Variants in BCAS3 observed in about 807,000 individuals in gnomAD.
BCAS3 encodes BCAS4/BCAS3 fusion.
Under a neutral mutation model 116.1 loss-of-function variants are expected in BCAS3, and 53 were observed. The ratio of observed to expected loss-of-function variants is 0.46; its 90% CI spans 0.37 to 0.57. BCAS3 has a LOEUF of 0.57. Among genes scored for constraint, BCAS3 ranks in the 20% least tolerant of loss-of-function variants. BCAS3 has a pLI of 0.00. For synonymous variants in BCAS3, 391 were observed against 408.2 expected, an observed-to-expected ratio of 0.96 and a Z score of 0.51; for missense variants, 917 against 1,165.4, an observed-to-expected ratio of 0.79 and a Z score of 3.10.
chr17:60,730,387 G>A (rs1598348052), intron 5 of BCAS3, among the ~76,000 whole-genome samples: 2 of 152,132 alleles, frequency 1.3e-5, no homozygotes, highest in East Asian at 1.9e-4. Flanking sequence ...TACAGACCGG[G>A]TTGCTGTTTT....
At chr17:60,758,420 A>T (rs1245328659) in intron 6 of BCAS3, among the ~76,000 whole-genome samples, 4 of 150,768 alleles carry the variant, frequency 2.7e-5, no homozygotes, top group Admixed American at 6.6e-5. Context: ...TTTTTCTTTT[A>T]TTCTGCTAAT....
intron 12 of BCAS3, among the ~76,000 whole-genome samples, chr17:60,916,168 A>C (rs2058770407): frequency 6.6e-6 from 1 of 152,208 alleles, no homozygotes; most frequent in Non-Finnish European, 1.5e-5. Flanking sequence ...GTAAATGCCC[A>C]AGAGTATTGC....
chr17:61,092,678 A>G (rs2073672648), intron 22 of BCAS3, among the ~76,000 whole-genome samples: 1 of 152,076 alleles, frequency 6.6e-6, no homozygotes, highest in African/African-American at 2.4e-5. Context: ...GTCCTAGTTA[A>G]CTCACTGATT....
Position 61,344,470 on chromosome 17 carries a change from T to C in BCAS3, c.2426-23857T>C, listed in dbSNP as rs1459544378. Among the ~76,000 whole-genome samples, 1 of 152,106 alleles carries C rather than the reference T, an allele frequency of 6.6e-6. No individual in the cohort carries two copies. The highest frequency in any genetic ancestry group is 1.9e-4 in the East Asian group (1 of 5,182). On this transcript the variant is annotated intron_variant, in intron 22 of 23. Transcript: ENST00000407086. This position sits in a 1 kb window ranked among gnomAD's most constrained non-coding sequence, Gnocchi z 4.1. ...ATTCTCTGAGACCACTATAGAGACT[T>C]TAAAGAAGGTGGGTCCTAAGTTTTG... is the stretch of plus-strand genomic sequence containing the variant.
At chr17:61,046,412 T>C (rs2068356965) in intron 19 of BCAS3, among the ~76,000 whole-genome samples, 1 of 151,594 alleles carries the variant, frequency 6.6e-6, no homozygotes. Flanking sequence ...CTTGGTGTCA[T>C]GGGAAATTGG....
At chr17:60,710,582 C>T (rs2037758795) in intron 5 of BCAS3, among the ~76,000 whole-genome samples, 1 of 151,922 alleles carries the variant, frequency 6.6e-6, no homozygotes, top group South Asian at 2.1e-4. Context: ...TAGGCGCCCG[C>T]CACCACGCCT....
At chr17:61,002,374 T>C (rs1487927948) in intron 15 of BCAS3, among the ~76,000 whole-genome samples, 1 of 152,126 alleles carries the variant, frequency 6.6e-6, no homozygotes, top group African/African-American at 2.4e-5. Flanking sequence ...TTTTTTCTTT[T>C]CTATGTATTT....
At chr17:61,159,626 A>G (rs923271431) in intron 22 of BCAS3, among the ~76,000 whole-genome samples, 12 of 152,236 alleles carry the variant, frequency 7.9e-5, no homozygotes, top group Non-Finnish European at 1.2e-4. Context: ...GAATGACTCA[A>G]CAGTAGTGAA....
intron 10 of BCAS3, among the ~76,000 whole-genome samples, chr17:60,895,025 C>G (rs1030563507): frequency 2.6e-5 from 4 of 151,932 alleles, no homozygotes; most frequent in Non-Finnish European, 5.9e-5. Context: ...CTATAGTTTT[C>G]TTTTTTGTGG....
At chr17:61,273,902 C>T (rs2050528596) in intron 22 of BCAS3, among the ~76,000 whole-genome samples, 1 of 148,484 alleles carries the variant, frequency 6.7e-6, no homozygotes, top group African/African-American at 2.5e-5. Flanking sequence ...CTCCCGTTTC[C>T]TATCTTCATT....
intron 6 of BCAS3, among the ~76,000 whole-genome samples, chr17:60,804,594 A>C (rs574772067): frequency 6.6e-6 from 1 of 152,192 alleles, no homozygotes; most frequent in South Asian, 2.1e-4. Context: ...ATGTTTTTAT[A>C]GTGTAATTCG....
chr17:61,043,229 G>T (rs1036591927), intron 19 of BCAS3, among the ~76,000 whole-genome samples: 1 of 151,910 alleles, frequency 6.6e-6, no homozygotes, highest in African/African-American at 2.4e-5. Context: ...TCACCCAGGT[G>T]TGGTGGCGTG....
In BCAS3 at chr17:61,366,085, G is replaced by T. The variant is rs758618991; in HGVS notation, c.2426-2242G>T. On this transcript the variant is annotated intron_variant, in intron 22 of 23. Coordinates refer to ENST00000407086, the MANE Select transcript of BCAS3 (RefSeq NM_017679.5). This position sits in a 1 kb window ranked among gnomAD's most constrained non-coding sequence, Gnocchi z 4.5. ...CTGGACCCAGGAGGCAGAGGTTGCC[G>T]TGAGCCAAGATCATACCACTGCACT... is the stretch of plus-strand genomic sequence containing the variant. Among the ~76,000 whole-genome samples the T allele has an allele frequency of 6.6e-6, 1 of 151,654 alleles. No individual in the cohort carries two copies. Among genetic ancestry groups the T allele is most frequent in the East Asian group, 1.9e-4 (1 of 5,156 alleles).
At chr17:61,170,013 C>A (rs2078744304) in intron 22 of BCAS3, among the ~76,000 whole-genome samples, 2 of 151,858 alleles carry the variant, frequency 1.3e-5, no homozygotes, top group African/African-American at 2.4e-5. Flanking sequence ...TGCCACCTCG[C>A]CTGGCTGATT....
At chr17:60,839,708 T>C (rs74993001) in intron 7 of BCAS3, among the ~76,000 whole-genome samples, 2,051 of 152,280 alleles carry the variant, frequency 0.013, 52 homozygotes, top group African/African-American at 0.047. Context: ...TCAAAAATTT[T>C]CCTCTTAAAT....
intron 22 of BCAS3, among the ~76,000 whole-genome samples, chr17:61,335,460 T>G (rs941146443): frequency 6.6e-6 from 1 of 152,240 alleles, no homozygotes; most frequent in Non-Finnish European, 1.5e-5. Context: ...CAAGATGCCC[T>G]TTGGCCACTG....
At chr17:61,091,696 G>T (rs1198535111) in intron 22 of BCAS3, among the ~76,000 whole-genome samples, 1 of 152,130 alleles carries the variant, frequency 6.6e-6, no homozygotes, top group Non-Finnish European at 1.5e-5. Flanking sequence ...GTCACAGAAA[G>T]GCTAAAGTAA....
intron 22 of BCAS3, among the ~76,000 whole-genome samples, chr17:61,163,283 G>T (rs1345093949): frequency 6.8e-6 from 1 of 147,856 alleles, no homozygotes; most frequent in East Asian, 2.1e-4. Context: ...AATTAGCCGG[G>T]CGTGGTGGTG....
At chr17:60,817,635 T>C (rs548269308) in intron 7 of BCAS3, among the ~76,000 whole-genome samples, 134 of 152,128 alleles carry the variant, frequency 8.8e-4, no homozygotes, top group Non-Finnish European at 1.5e-3. Flanking sequence ...CACGCATCAC[T>C]GTGGTGGGAA....
Sources: allele counts gnomAD v4.1 joint callset (sites outside exome capture counted in the v4.1 genomes callset), GRCh38; gene constraint gnomAD v4.1.1; non-coding constraint Gnocchi (gnomAD v3.1); transcripts MANE v1.5; gene names NCBI Gene and HGNC (gene_info 2026-07-23, HGNC 2026-07-21).